Variants in MEF2C observed in about 807,000 individuals in gnomAD.
MEF2C encodes the protein myocyte-specific enhancer factor 2C.
MEF2C carries 6 observed loss-of-function variants against 50.5 expected under a neutral mutation model. The observed-to-expected ratio is 0.12, with a 90% confidence interval of 0.07 to 0.23. The LOEUF is 0.23. MEF2C is among the 10% of genes least tolerant of loss of function. MEF2C has a pLI of 1.00. For synonymous variants in MEF2C, 183 were observed against 228.0 expected (o/e 0.80, Z 1.78); for missense variants, 276 against 605.0 (o/e 0.46, Z 5.70).
At chr5:88,892,683 G>T (rs1834720530) in intron 1 of MEF2C, among the ~76,000 whole-genome samples, 1 of 152,016 alleles carries the variant, frequency 6.6e-6, no homozygotes, top group African/African-American at 2.4e-5. Context: ...TTTTTGGGGG[G>T]ATGCTTTATT....
chr5:88,727,566 T>G (rs776679926), intron 10 of MEF2C, among the ~76,000 whole-genome samples: 3 of 152,162 alleles, frequency 2.0e-5, no homozygotes, highest in Non-Finnish European at 2.9e-5. Flanking sequence ...TATAACTAGT[T>G]AACTAATACA....
intron 3 of MEF2C, among the ~76,000 whole-genome samples, chr5:88,797,294 T>C (rs1796386214): frequency 6.6e-6 from 1 of 152,138 alleles, no homozygotes; most frequent in South Asian, 2.1e-4. Context: ...ACTTGCTTTA[T>C]GAATCTGGGT....
At chr5:88,741,647 T>A (rs1324890323) in intron 6 of MEF2C, 1 of 976,244 alleles carries the variant, frequency 1.0e-6, no homozygotes, top group Non-Finnish European at 1.2e-6. Flanking sequence ...AGTTTTCTCT[T>A]ACTACTATAT....
chr5:88,747,901 C>T (rs1306690152), intron 6 of MEF2C, among the ~76,000 whole-genome samples: 1 of 152,114 alleles, frequency 6.6e-6, no homozygotes, highest in Non-Finnish European at 1.5e-5. Context: ...AGGCTACAAA[C>T]CACAAAGTAT....
At chr5:88,814,782 T>TA (rs1562189405) in intron 2 of MEF2C, among the ~76,000 whole-genome samples, 1 of 152,132 alleles carries the variant, frequency 6.6e-6, no homozygotes, top group Non-Finnish European at 1.5e-5. Context: ...GAGTGTTTAT[T>TA]AACAAACTCA....
intron 3 of MEF2C, among the ~76,000 whole-genome samples, chr5:88,799,789 T>C (rs1797503969): frequency 6.6e-6 from 1 of 151,790 alleles, no homozygotes; most frequent in Non-Finnish European, 1.5e-5. Flanking sequence ...AATAATAAAA[T>C]ATCAGGTAAA....
At chr5:88,741,524 T>C (rs550348694) in intron 6 of MEF2C, 86 of 985,418 alleles carry the variant, frequency 8.7e-5, no homozygotes, top group Non-Finnish European at 1.0e-4. Flanking sequence ...GGTCCATGGT[T>C]TTACGGTTTT....
chr5:88,898,225 T>C (rs1835310655), intron 1 of MEF2C, among the ~76,000 whole-genome samples: 1 of 152,192 alleles, frequency 6.6e-6, no homozygotes. Flanking sequence ...AAAAAAGACA[T>C]GCCACAAATA....
intron 3 of MEF2C, chr5:88,780,661 G>A (rs1265776166): frequency 1.4e-6 from 1 of 718,896 alleles, no homozygotes; most frequent in Non-Finnish European, 1.7e-6. Flanking sequence ...TAGAAGCAAT[G>A]CACAACATAT....
At chr5:88,738,165 A>G in intron 6 of MEF2C, 4 of 985,298 alleles carry the variant, frequency 4.1e-6, no homozygotes, top group South Asian at 9.4e-5. Context: ...ACAGAGCCTT[A>G]GTTTTCTCAA....
At chr5:88,745,935 T>C (rs1769293429) in intron 6 of MEF2C, among the ~76,000 whole-genome samples, 1 of 152,210 alleles carries the variant, frequency 6.6e-6, no homozygotes, top group Admixed American at 6.5e-5. Context: ...ATGTGAACAC[T>C]TAATTTAAAC....
Position 88,722,663 on chromosome 5 carries a change from C to A in MEF2C, c.1363G>T (p.Asp455Tyr). ...TTGACTGAGGGACTTTCCCTTTCGT[C>A]CGGCGAAGGTCTGGTGAGTCCAATG... is the stretch of plus-strand genomic sequence containing the variant. ...SPIGLTRPSP[D>Y]ERESPSVKRM... The change falls in exon 11 of 11, where the codon GAC becomes TAC. Residue 455 changes from aspartate to tyrosine, a missense_variant. Coordinates refer to ENST00000504921, the MANE Select transcript of MEF2C (RefSeq NM_002397.5). The A allele has an allele frequency of 6.2e-7, 1 of 1,613,824 alleles. No homozygotes were observed. Among genetic ancestry groups the A allele is most frequent in the Non-Finnish European group, 8.5e-7 (1 of 1,179,890 alleles).
intron 1 of MEF2C, among the ~76,000 whole-genome samples, chr5:88,867,204 G>A (rs1305481881): frequency 6.6e-6 from 1 of 152,068 alleles, no homozygotes; most frequent in African/African-American, 2.4e-5. Flanking sequence ...ATACAAACAT[G>A]TTTACACAAA....
intron 3 of MEF2C, among the ~76,000 whole-genome samples, chr5:88,786,660 AAAAAT>A (rs1791044506): frequency 6.6e-6 from 1 of 152,216 alleles, no homozygotes; most frequent in South Asian, 2.1e-4. Context: ...ACAGAAAACA[AAAAAT>A]AAAGGCTGCT....
At chr5:88,777,267 T>C (rs972201818) in intron 3 of MEF2C, among the ~76,000 whole-genome samples, 1 of 152,222 alleles carries the variant, frequency 6.6e-6, no homozygotes, top group Non-Finnish European at 1.5e-5. Flanking sequence ...ATTTTCTTAA[T>C]ATTTTAATTG....
intron 3 of MEF2C, chr5:88,782,240 G>A: frequency 1.2e-6 from 1 of 800,910 alleles, no homozygotes; most frequent in Non-Finnish European, 1.5e-6. Context: ...GGCTGAGGTG[G>A]GAGGATCACT....
intron 2 of MEF2C, among the ~76,000 whole-genome samples, chr5:88,812,923 T>C (rs1363901201): frequency 1.3e-5 from 2 of 152,182 alleles, no homozygotes; most frequent in African/African-American, 4.8e-5. Flanking sequence ...ATGCAGGCAC[T>C]GTCATTTGTA....
intron 1 of MEF2C, chr5:88,824,173 A>C (rs554016869): frequency 1.1e-6 from 1 of 949,518 alleles, no homozygotes; most frequent in East Asian, 1.1e-4. Flanking sequence ...GATGCAAACT[A>C]TGCTTTTTTA....
intron 3 of MEF2C, chr5:88,785,639 G>A (rs1013363821): frequency 1.3e-5 from 2 of 151,994 alleles, no homozygotes; most frequent in Non-Finnish European, 2.9e-5. Flanking sequence ...GCAGTAAGTG[G>A]TTTTTATTAT....
Sources: allele counts gnomAD v4.1 joint callset (sites outside exome capture counted in the v4.1 genomes callset), GRCh38; gene constraint gnomAD v4.1.1; transcripts MANE v1.5; gene names NCBI Gene and HGNC (gene_info 2026-07-23, HGNC 2026-07-21).